Variants in PTPRU observed in about 807,000 individuals in gnomAD.
PTPRU encodes the protein protein tyrosine phosphatase receptor type U, also known as receptor-type tyrosine-protein phosphatase U.
A neutral mutation model predicts 166.3 loss-of-function variants in PTPRU; 69 were observed. The ratio of observed to expected loss-of-function variants is 0.41; its 90% CI spans 0.34 to 0.51. The LOEUF (loss-of-function observed/expected upper bound fraction) is 0.51. Among genes scored for constraint, PTPRU ranks in the 20% least tolerant of loss-of-function variants. The pLI is 0.09. For synonymous variants in PTPRU, 793 were observed against 814.0 expected, an observed-to-expected ratio of 0.97 and a Z score of 0.44; for missense variants, 1,657 against 2,013.7, an observed-to-expected ratio of 0.82 and a Z score of 3.39.
In PTPRU at chr1:29,257,709, G is replaced by T. The variant is rs1684834647; in HGVS notation, c.206-796G>T. Among the ~76,000 whole-genome samples, 1 of 152,172 alleles carries T rather than the reference G, an allele frequency of 6.6e-6. No individual in the cohort carries two copies. Among genetic ancestry groups the T allele is most frequent in the African/African-American group, 2.4e-5 (1 of 41,444 alleles). On this transcript the variant is annotated intron_variant, in intron 2 of 29. Coordinates refer to ENST00000373779, the MANE Select transcript of PTPRU (RefSeq NM_133178.4). The surrounding 1 kb of genome is among the most constrained non-coding windows in gnomAD (Gnocchi z 4.6). ...TCTGTTCTACATATTCATTCAGCTT[G>T]CGTCCTGAGGCCTCACAGCCTGGTG...
At chr1:29,298,296 C>T (rs1304816547) in intron 15 of PTPRU, among the ~76,000 whole-genome samples, 1 of 150,728 alleles carries the variant, frequency 6.6e-6, no homozygotes, top group Non-Finnish European at 1.5e-5. Flanking sequence ...AAAACCAAAA[C>T]GTGTCCAGGA....
rs141797034 is a variant in PTPRU, at chr1:29,253,596, T to C, written c.74-1679T>C. 1.5e-4 allele frequency among the ~76,000 whole-genome samples: 23 copies of C among 151,944 alleles called. 1 individual carries two copies. The East Asian group carries it at 4.5e-3, about 30-fold the overall frequency. ...TATGTATTATGTTGTGCAAAAGTAA[T>C]TGCTGTTTTTGCCATTACTTTAAAA... On this transcript the variant is annotated intron_variant, in intron 1 of 29. Transcript: ENST00000373779.
chr1:29,296,494 C>T (rs967394074), intron 15 of PTPRU, among the ~76,000 whole-genome samples: 1 of 150,690 alleles, frequency 6.6e-6, no homozygotes, highest in Non-Finnish European at 1.5e-5. Flanking sequence ...TATGATGTTT[C>T]CTTTCCTTTC....
chr1:29,260,444 C>A lies in PTPRU; in HGVS notation c.851-166C>A, dbSNP rs2151945551. ...TTTGGAGCCAGGTGCCCCTTAGGGC[C>A]CGGGATTTAGTGGGGGTAGGAGAGC... is the stretch of plus-strand genomic sequence containing the variant. On this transcript the variant is annotated intron_variant, in intron 6 of 29. Transcript: ENST00000373779. The surrounding 1 kb of genome is among the most constrained non-coding windows in gnomAD (Gnocchi z 8.3). 6.6e-6 allele frequency among the ~76,000 whole-genome samples: 1 copy of A among 151,976 alleles called. No homozygotes were observed. Among genetic ancestry groups the A allele is most frequent in the South Asian group, 2.1e-4 (1 of 4,802 alleles).
At chr1:29,290,048 G>A (rs544099751) in intron 14 of PTPRU, among the ~76,000 whole-genome samples, 15 of 152,304 alleles carry the variant, frequency 9.8e-5, no homozygotes, top group Admixed American at 2.0e-4. Context: ...CTCGTGGTTA[G>A]AAGTATGTCC....
chr1:29,244,421 TGATAA>T (rs71852722), intron 1 of PTPRU, among the ~76,000 whole-genome samples: 16,785 of 151,564 alleles, frequency 0.11, 1,213 homozygotes, highest in African/African-American at 0.21. Context: ...GAGATGTGGG[TGATAA>T]GATAAGAGGT....
chr1:29,303,644 C>T (rs553635782), intron 15 of PTPRU, among the ~76,000 whole-genome samples: 1 of 152,312 alleles, frequency 6.6e-6, no homozygotes, highest in East Asian at 1.9e-4. Context: ...ATCTGACCGG[C>T]TCATTCTACA....
At position 29,305,376 on chromosome 1, in the gene PTPRU, A is replaced by G; in HGVS notation, c.2768A>G (p.His923Arg). 1 of 1,613,936 alleles carries G rather than the reference A, an allele frequency of 6.2e-7. No homozygotes were observed. The highest frequency in any genetic ancestry group is 8.5e-7 in the Non-Finnish European group (1 of 1,180,022). The change falls in exon 18 of 30, where the codon CAC (histidine) becomes CGC (arginine). Residue 923 changes from histidine to arginine, a missense_variant. By Grantham distance (29) the His-to-Arg change is conservative. Around this residue, in one of 3 missense-constraint regions of PTPRU, gnomAD observed 1,190 missense variants for 1,477.4 expected, o/e 0.81. Coordinates refer to ENST00000373779, the MANE Select transcript of PTPRU (RefSeq NM_133178.4). Reference sequence around the variant, plus strand: ...GATGATCGGCACCGAGTGAAACTGCACCCGATGCTGGGAGACCCCAATGCC... The same window carrying G: ...GATGATCGGCACCGAGTGAAACTGCGCCCGATGCTGGGAGACCCCAATGCC... ...PAYDRHRVKLHPMLGDPNADY... is the reference protein window; with the variant it reads ...PAYDRHRVKLRPMLGDPNADY...
intron 12 of PTPRU, chr1:29,283,603 CTTCTTGCCTGGT>C (rs1318747962): frequency 3.2e-5 from 12 of 378,264 alleles, no homozygotes; most frequent in Admixed American, 4.4e-5. Flanking sequence ...CCCTCCTCTG[CTTCTTGCCTGGT>C]TTCTTGCCTG....
chr1:29,269,242 ATATATTTTTTTTTTTTTT>A lies in PTPRU; in HGVS notation c.1145-6204_1145-6187del, dbSNP rs1685447237. Reference sequence around the variant, plus strand: ...TACATATATATATATATATATATATATATATTTTTTTTTTTTTTTTTTTTTTTTTTTTTGTAGAGACAG... The same window carrying A: ...TACATATATATATATATATATATATATTTTTTTTTTTTTTTGTAGAGACAG... On this transcript the variant is annotated intron_variant, in intron 7 of 29. Transcript: ENST00000373779. 2.1e-4 allele frequency among the ~76,000 whole-genome samples: 6 copies of A among 28,910 alleles called. No individual in the cohort carries two copies. In the South Asian group the frequency reaches 0.013, roughly 62 times the overall value. The allele number at this position is 28,910 out of a possible 152,430, so 19.0% of individuals were successfully genotyped here.
At chr1:29,269,117 G>C (rs1043269231) in intron 7 of PTPRU, among the ~76,000 whole-genome samples, 2 of 150,640 alleles carry the variant, frequency 1.3e-5, no homozygotes, top group Admixed American at 1.3e-4. Context: ...ATAGCTCACT[G>C]CGTGCAGCCT....
chr1:29,265,516 C>G lies in PTPRU; in HGVS notation c.1144+4613C>G, dbSNP rs567592242. ...TAGCTGGGATTACAGGCACACACCACCACGCCTGGCTAATTTTTGTATTTT... is the reference window on the plus strand; with the variant it reads ...TAGCTGGGATTACAGGCACACACCAGCACGCCTGGCTAATTTTTGTATTTT... On this transcript the variant is annotated intron_variant, in intron 7 of 29. Transcript: ENST00000373779. 1.1e-4 allele frequency among the ~76,000 whole-genome samples: 17 copies of G among 152,204 alleles called. No homozygotes were observed. The South Asian group carries it at 3.3e-3, about 30-fold the overall frequency.
chr1:29,292,044 C>T lies in PTPRU; in HGVS notation c.2476+18C>T, dbSNP rs370811913. ...CACCCGGGGTGAGTGCCCGGCCCTC[C>T]TACCCCTTCTTCATGGCTCTGGGGC... is the stretch of plus-strand genomic sequence containing the variant. On this transcript the variant is annotated intron_variant, in intron 15 of 29. Transcript: ENST00000373779. The T allele has an allele frequency of 6.2e-7, 1 of 1,612,658 alleles. No individual in the cohort carries two copies. The highest frequency in any genetic ancestry group is 1.7e-5 in the Admixed American group (1 of 59,964).
chr1:29,265,923 G>A (rs1685278641), intron 7 of PTPRU, among the ~76,000 whole-genome samples: 2 of 143,912 alleles, frequency 1.4e-5, no homozygotes, highest in South Asian at 4.6e-4. Flanking sequence ...GGTTCAATTT[G>A]TAAAATTTCC....
intron 7 of PTPRU, among the ~76,000 whole-genome samples, chr1:29,262,012 C>T (rs1034268713): frequency 1.3e-5 from 2 of 152,164 alleles, no homozygotes; most frequent in Admixed American, 6.5e-5. Context: ...AGATCTTATT[C>T]AGACTTTTCT....
At position 29,283,219 on chromosome 1, in the gene PTPRU, A is replaced by G. The variant is rs544024850; in HGVS notation, c.2142+270A>G. On this transcript the variant is annotated intron_variant, in intron 12 of 29. Transcript: ENST00000373779. ...CCCTGCCTCCTTTTGCCCACCTCCCATTGCCCCACCTCCAATAGCCTTACC... is the reference window on the plus strand; with the variant it reads ...CCCTGCCTCCTTTTGCCCACCTCCCGTTGCCCCACCTCCAATAGCCTTACC... 6.2e-5 allele frequency among the ~76,000 whole-genome samples: 3 copies of G among 48,098 alleles called. No individual in the cohort carries two copies. The East Asian group carries it at 1.4e-3, about 23-fold the overall frequency. The allele number at this position is 48,098 out of a possible 152,430, so 31.6% of individuals were successfully genotyped here. A position where few individuals can be genotyped will look rare whatever the true frequency, so the allele number is the denominator to read the frequency against.
chr1:29,261,340 T>C (rs1362695170), intron 7 of PTPRU, among the ~76,000 whole-genome samples: 1 of 152,088 alleles, frequency 6.6e-6, no homozygotes, highest in African/African-American at 2.4e-5. Context: ...CAAATACAAG[T>C]ATATTATACA....
In PTPRU at chr1:29,291,231, C is replaced by T. The variant is rs1686614516; in HGVS notation, c.2319-638C>T. On this transcript the variant is annotated intron_variant, in intron 14 of 29. Transcript: ENST00000373779. The surrounding 1 kb of genome is among the most constrained non-coding windows in gnomAD (Gnocchi z 4.1). ...TCTGGACCTTCTGTGGGTCTCTTTA[C>T]AAGTCTGTGGTGGTCTATGCTGGGA... 6.6e-6 allele frequency among the ~76,000 whole-genome samples: 1 copy of T among 152,140 alleles called. No individual in the cohort carries two copies. Among genetic ancestry groups the T allele is most frequent in the Non-Finnish European group, 1.5e-5 (1 of 68,016 alleles).
intron 15 of PTPRU, among the ~76,000 whole-genome samples, chr1:29,296,360 T>C (rs1421901961): frequency 6.6e-6 from 1 of 152,228 alleles, no homozygotes; most frequent in Non-Finnish European, 1.5e-5. Flanking sequence ...CCAAATACTT[T>C]TTTCTGCAAT....
Sources: allele counts gnomAD v4.1 joint callset (sites outside exome capture counted in the v4.1 genomes callset), GRCh38; gene constraint gnomAD v4.1.1; regional missense constraint gnomAD v4.1.1; non-coding constraint Gnocchi (gnomAD v3.1); transcripts MANE v1.5; gene names NCBI Gene and HGNC (gene_info 2026-07-23, HGNC 2026-07-21).